Variants in AFF3 observed in about 807,000 individuals in gnomAD.
The protein encoded by AFF3 is ALF transcription elongation factor 3.
In AFF3, 32 loss-of-function variants were observed where a neutral mutation model predicts 129.7. The observed-to-expected ratio is 0.25, with a 90% CI of 0.19 to 0.33. The LOEUF (loss-of-function observed/expected upper bound fraction) is 0.33. Among genes scored for constraint, AFF3 ranks in the 10% least tolerant of loss-of-function variants. AFF3 has a pLI of 1.00. For synonymous variants in AFF3, 644 were observed against 635.4 expected (o/e 1.01, Z -0.20); for missense variants, 1,373 against 1,592.0 (o/e 0.86, Z 2.34).
intron 11 of AFF3, among the ~76,000 whole-genome samples, chr2:99,725,096 G>C (rs1679255794): frequency 6.6e-6 from 1 of 151,904 alleles, no homozygotes; most frequent in African/African-American, 2.4e-5. Flanking sequence ...TCAGCCACCT[G>C]AGTAGCTGAG....
chr2:99,563,898 T>C (rs936979616), intron 20 of AFF3, among the ~76,000 whole-genome samples: 1 of 151,940 alleles, frequency 6.6e-6, no homozygotes. Context: ...TGCGTGATTC[T>C]ATCGATTCTG....
At chr2:99,845,040 T>C (rs749604651) in intron 7 of AFF3, among the ~76,000 whole-genome samples, 3 of 152,168 alleles carry the variant, frequency 2.0e-5, no homozygotes, top group Non-Finnish European at 4.4e-5. Flanking sequence ...CAAAGAAATG[T>C]CTTTGCTTTA....
chr2:99,939,399 TAACTC>T (rs1223325939), intron 7 of AFF3, among the ~76,000 whole-genome samples: 1 of 152,222 alleles, frequency 6.6e-6, no homozygotes, highest in African/African-American at 2.4e-5. Context: ...TTTTCACACT[TAACTC>T]AGTTAATCAC....
chr2:99,696,469 T>TGCAGATATAAC (rs1676279171), intron 11 of AFF3, among the ~76,000 whole-genome samples: 1 of 152,170 alleles, frequency 6.6e-6, no homozygotes, highest in South Asian at 2.1e-4. Context: ...TCCTACACAG[T>TGCAGATATAAC]TATATCTGCA....
chr2:99,697,802 T>C (rs1558760176), intron 11 of AFF3, among the ~76,000 whole-genome samples: 2 of 152,240 alleles, frequency 1.3e-5, no homozygotes, highest in Non-Finnish European at 2.9e-5. Context: ...ACCAGCTTTG[T>C]CTTCTTCACA....
At chr2:100,137,429 A>G (rs1372929884) in intron 1 of AFF3, among the ~76,000 whole-genome samples, 1 of 152,218 alleles carries the variant, frequency 6.6e-6, no homozygotes, top group Non-Finnish European at 1.5e-5. Context: ...GCCCAGGCAA[A>G]GTTGTAACAC....
intron 7 of AFF3, among the ~76,000 whole-genome samples, chr2:99,983,307 G>A (rs1679576713): frequency 6.6e-6 from 1 of 152,106 alleles, no homozygotes; most frequent in African/African-American, 2.4e-5. Context: ...ATCCTGCTTT[G>A]AATGGTTTAC....
At chr2:99,802,750 T>C (rs1686041247) in intron 8 of AFF3, among the ~76,000 whole-genome samples, 1 of 151,088 alleles carries the variant, frequency 6.6e-6, no homozygotes, top group Non-Finnish European at 1.5e-5. Flanking sequence ...TTGATTTGAC[T>C]CTCAGCTTGG....
At chr2:100,044,945 G>A (rs1293089007) in intron 4 of AFF3, among the ~76,000 whole-genome samples, 1 of 152,224 alleles carries the variant, frequency 6.6e-6, no homozygotes, top group East Asian at 1.9e-4. Flanking sequence ...CATGAAGAGA[G>A]AGATGGGAAC....
At chr2:99,905,589 C>T (rs1477399982) in intron 7 of AFF3, among the ~76,000 whole-genome samples, 2 of 152,170 alleles carry the variant, frequency 1.3e-5, no homozygotes, top group African/African-American at 4.8e-5. Context: ...TTCCTAGCTT[C>T]CTGCATTTCT....
rs1678969235 is a variant in AFF3 at position 99,593,666 on chromosome 2, G to A, written c.1995C>T (p.Phe665=). The A allele has an allele frequency of 2.5e-6, 4 of 1,605,500 alleles. No homozygotes were observed. Among genetic ancestry groups the A allele is most frequent in the South Asian group, 1.1e-5 (1 of 90,864 alleles). Reference sequence around the variant, plus strand: ...ATGAAGATGACGACTCTGTCTCAATGAACTCCTTGGATTTGGGGACGATCC... The same window carrying A: ...ATGAAGATGACGACTCTGTCTCAATAAACTCCTTGGATTTGGGGACGATCC... ...LSRIVPKSKE[F]IETESSSSSS... Residue 665 remains phenylalanine, a synonymous_variant, in exon 15 of 25, where the codon TTC becomes TTT. Transcript: ENST00000672756.
At position 99,548,618 on chromosome 2, in the gene AFF3, C is replaced by T. The variant is rs1244540246; in HGVS notation, c.*2856G>A. The stretch of plus-strand genomic sequence containing the variant: ...ATTAGCCGGGTGTGGTGGCACGTGC[C>T]TATCTTCCCAGCTGCTTGGGAGGCT... On this transcript the variant is annotated 3_prime_UTR_variant, in exon 25 of 25. Transcript: ENST00000672756. 2 of 205,404 alleles carry T rather than the reference C, an allele frequency of 9.7e-6. No individual in the cohort carries two copies. Among genetic ancestry groups the T allele is most frequent in the Non-Finnish European group, 2.0e-5 (2 of 100,726 alleles). The allele number at this position is 205,404 out of a possible 1,614,324, so 12.7% of individuals were successfully genotyped here. A position where few individuals can be genotyped will look rare whatever the true frequency, so the allele number is the denominator to read the frequency against.
At chr2:99,658,629 T>C (rs918553228) in intron 12 of AFF3, among the ~76,000 whole-genome samples, 1 of 152,194 alleles carries the variant, frequency 6.6e-6, no homozygotes, top group Non-Finnish European at 1.5e-5. Flanking sequence ...TAATCTACTT[T>C]AATATTTTTG....
intron 7 of AFF3, among the ~76,000 whole-genome samples, chr2:99,919,616 CTT>C (rs1695721337): frequency 6.6e-6 from 1 of 152,136 alleles, no homozygotes; most frequent in Non-Finnish European, 1.5e-5. Flanking sequence ...TAAATAATCT[CTT>C]TTGTCCCCTT....
chr2:99,831,541 G>A (rs1688517597), intron 8 of AFF3, among the ~76,000 whole-genome samples: 1 of 152,192 alleles, frequency 6.6e-6, no homozygotes, highest in Non-Finnish European at 1.5e-5. Flanking sequence ...TGAAGGTACT[G>A]ATAGATACTA....
Position 99,593,830 on chromosome 2 carries a change from C to G in AFF3, c.1831G>C (p.Ala611Pro). The change falls in exon 15 of 25, where the codon GCG becomes CCG. Residue 611 changes from alanine to proline, a missense_variant. Transcript: ENST00000672756. ...ACCACGCTCGTCCCCAGCGCGTCCG[C>G]GGCCGCGGGCTCCTCGGGCCGGTGG... ...NCHRPEEPAA[A>P]DALGTSVVVP... 1.2e-6 allele frequency: 2 copies of G among 1,604,396 alleles called. No homozygotes were observed. Among genetic ancestry groups the G allele is most frequent in the Non-Finnish European group, 1.7e-6 (2 of 1,176,364 alleles).
rs1221198868 is a variant in AFF3, at chr2:99,628,911, G to A, written c.1184+20715C>T. Among the ~76,000 whole-genome samples the A allele has an allele frequency of 2.6e-5, 4 of 151,912 alleles. No individual in the cohort carries two copies. The East Asian group carries it at 5.8e-4, about 22-fold the overall frequency. Reference sequence around the variant, plus strand: ...AATTTTTGTTATTTTTAGTAGAGACGGGGTTTCACCATGTTGGCCAGGCTG... The same window carrying A: ...AATTTTTGTTATTTTTAGTAGAGACAGGGTTTCACCATGTTGGCCAGGCTG... On this transcript the variant is annotated intron_variant, in intron 13 of 24. Transcript: ENST00000672756.
chr2:99,743,667 C>T (rs935185495), intron 10 of AFF3, among the ~76,000 whole-genome samples: 1 of 152,164 alleles, frequency 6.6e-6, no homozygotes, highest in Non-Finnish European at 1.5e-5. Flanking sequence ...TGGAAGAGGG[C>T]ACAGTACATA....
intron 7 of AFF3, among the ~76,000 whole-genome samples, chr2:99,980,745 C>T (rs936292186): frequency 2.0e-5 from 3 of 152,142 alleles, no homozygotes; most frequent in Non-Finnish European, 4.4e-5. Context: ...TCTTGTAGTT[C>T]ATCTAAGGCA....
Sources: gnomAD v4.1 joint callset for allele counts (sites outside exome capture counted in the v4.1 genomes callset) on GRCh38, gnomAD v4.1.1 for gene constraint, MANE v1.5 for transcripts, NCBI Gene and HGNC (gene_info 2026-07-23, HGNC 2026-07-21) for gene names.